PCF11: variants seen among roughly 807,000 people sequenced by gnomAD.
PCF11 encodes pre-mRNA cleavage complex 2 protein Pcf11.
Under a neutral mutation model 166.1 loss-of-function variants are expected in PCF11, and 19 were observed. That is an observed-to-expected ratio of 0.11 (90% CI 0.08 to 0.17). The LOEUF is 0.17. PCF11 is among the 10% of genes least tolerant of loss of function. The pLI is 1.00. For missense variants in PCF11, 1,565 were observed against 1,855.5 expected (o/e 0.84, Z 2.88); for synonymous variants, 663 against 644.1 (o/e 1.03, Z -0.44).
intron 1 of PCF11, among the ~76,000 whole-genome samples, chr11:83,159,273 C>G (rs1271191756): frequency 6.6e-6 from 1 of 151,986 alleles, no homozygotes; most frequent in African/African-American, 2.4e-5. Flanking sequence ...ATACCACAAA[C>G]ATCTTGGACA....
exon 8 of PCF11, chr11:83,168,631 A>G (rs1269777316): frequency 8.1e-6 from 13 of 1,613,864 alleles, no homozygotes; most frequent in Admixed American, 3.3e-5. Context: ...AGATGGCCCA[A>G]CGAAGATGAT....
chr11:83,185,688 A>G (rs1861264884), exon 16 of PCF11: 1 of 152,606 alleles, frequency 6.6e-6, no homozygotes. Context: ...ATCTGTAAGA[A>G]TGTTTGCTTG....
At chr11:83,168,826 C>T (rs1411251813) in exon 8 of PCF11, 1 of 1,613,672 alleles carries the variant, frequency 6.2e-7, no homozygotes, top group Non-Finnish European at 8.5e-7. Context: ...AGTGGGGACA[C>T]CTCTGCGGTT....
At position 83,168,557 on chromosome 11, in the gene PCF11, G is replaced by A. The variant is rs762785366; in HGVS notation, c.2222G>A (p.Arg741Gln). The change falls in exon 8 of 16, where the codon CGA (arginine) becomes CAA (glutamine). Residue 741 changes from arginine to glutamine, a missense_variant. Transcript: ENST00000298281. ...TTCGCCGGCCTGGATACAAATCAGC[G>A]ACTTACAGCTTTAGCTGAAGACAGA... 5 of 1,613,994 alleles carry A rather than the reference G, an allele frequency of 3.1e-6. No homozygotes were observed.
At chr11:83,180,850 T>G in intron 11 of PCF11, 158 bp from the exon 12 acceptor site, 1 of 448,728 alleles carries the variant, frequency 2.2e-6, no homozygotes, top group Non-Finnish European at 4.0e-6. Flanking sequence ...GTCAATCACA[T>G]TGTTAGAGAA....
At chr11:83,160,063 T>C (rs995000738) in intron 1 of PCF11, among the ~76,000 whole-genome samples, 3 of 152,182 alleles carry the variant, frequency 2.0e-5, no homozygotes, top group Non-Finnish European at 4.4e-5. Flanking sequence ...GGGTGAACCC[T>C]TTTATTAGAC....
intron 9 of PCF11, among the ~76,000 whole-genome samples, chr11:83,173,315 T>TCC (rs1386177097): frequency 6.6e-6 from 1 of 151,824 alleles, no homozygotes; most frequent in Admixed American, 6.6e-5. Flanking sequence ...ATTAGCTGGG[T>TCC]GTGGTGGTGC....
intron 11 of PCF11, among the ~76,000 whole-genome samples, chr11:83,179,816 C>G (rs1861023467): frequency 6.6e-6 from 1 of 151,636 alleles, no homozygotes; most frequent in African/African-American, 2.4e-5. Flanking sequence ...ACTCGGGAGG[C>G]TGAGGTGGGG....
chr11:83,157,460 C>T, exon 1 of PCF11: 3 of 1,611,344 alleles, frequency 1.9e-6, no homozygotes, highest in Non-Finnish European at 2.5e-6. Flanking sequence ...AGACGCCGGC[C>T]GAGGCCGGTG....
chr11:83,177,947 C>T (rs77711024), intron 11 of PCF11, 128 bp downstream of exon 11: 10 of 302,096 alleles, frequency 3.3e-5, no homozygotes, highest in South Asian at 2.1e-4. Flanking sequence ...TTTAGGAAGT[C>T]TTTTTTTTTT....
At chr11:83,168,323 C>T (rs1238787146) in intron 7 of PCF11, 105 bp from the exon 8 acceptor site, 5 of 1,086,300 alleles carry the variant, frequency 4.6e-6, no homozygotes. Flanking sequence ...GTCTCTCCTG[C>T]CCCTCTAATG....
Position 83,181,211 on chromosome 11 carries a change from C to CTATGGAGGCA in PCF11, c.4167+20_4167+21insTATGGAGGCA. The CTATGGAGGCA allele has an allele frequency of 7.2e-7, 1 of 1,392,950 alleles. No individual in the cohort carries two copies. Among genetic ancestry groups the CTATGGAGGCA allele is most frequent in the African/African-American group, 1.4e-5 (1 of 71,164 alleles). 86.3% of individuals were successfully genotyped at this position (1,392,950 alleles called of 1,614,324 possible). On this transcript the variant is annotated intron_variant, in intron 12 of 15. Transcript: ENST00000298281. ...TTAACAGTAAGTAACCCATGTGCCTCCATAGTATCTTTTAGGCTTAAATTA... is the reference window on the plus strand; with the variant it reads ...TTAACAGTAAGTAACCCATGTGCCTCTATGGAGGCACATAGTATCTTTTAGGCTTAAATTA...
At chr11:83,176,625 G>A (rs1435641576) in intron 9 of PCF11, among the ~76,000 whole-genome samples, 2 of 148,840 alleles carry the variant, frequency 1.3e-5, no homozygotes, top group African/African-American at 5.0e-5. Flanking sequence ...TTGTAGGTAG[G>A]AATTGAACAA....
chr11:83,170,856 T>A (rs17144712), intron 8 of PCF11, among the ~76,000 whole-genome samples: 3,280 of 152,302 alleles, frequency 0.022, 114 homozygotes, highest in African/African-American at 0.075. Context: ...AGGAACATTA[T>A]TGATAGAAAG....
chr11:83,161,762 C>A (rs1023244603), intron 2 of PCF11, among the ~76,000 whole-genome samples: 2 of 152,152 alleles, frequency 1.3e-5, no homozygotes, highest in Non-Finnish European at 2.9e-5. Flanking sequence ...GCAAAAAGAT[C>A]TGAAATCGTC....
In PCF11 at chr11:83,168,954, G is replaced by C. The variant is rs188422777; in HGVS notation, c.2619G>C (p.Val873=). 236 of 1,613,706 alleles carry C rather than the reference G, an allele frequency of 1.5e-4. 1 individual carries two copies. Among genetic ancestry groups the C allele is most frequent in the Admixed American group, 3.3e-4 (20 of 59,986 alleles). ...TTGAGGGACCAGGAGGCCAGCCTGT[G>C]GGTGGTCTGAGGTTTGAGGGACATC... The change falls in exon 8 of 16, where the codon GTG becomes GTC. Residue 873 remains valine (V), a synonymous_variant. Transcript: ENST00000298281.
At chr11:83,181,260 T>C in intron 12 of PCF11, 69 bp downstream of exon 12, 1 of 521,462 alleles carries the variant, frequency 1.9e-6, no homozygotes, top group Non-Finnish European at 2.9e-6. Context: ...GTATATTAAT[T>C]TTAATAATTA....
chr11:83,168,665 G>A, exon 8 of PCF11: 1 of 1,613,946 alleles, frequency 6.2e-7, no homozygotes, highest in Non-Finnish European at 8.5e-7. Flanking sequence ...AATAAATTAA[G>A]CCCTCGAATT....
At chr11:83,179,381 C>T (rs1374806810) in intron 11 of PCF11, among the ~76,000 whole-genome samples, 1 of 151,892 alleles carries the variant, frequency 6.6e-6, no homozygotes, top group African/African-American at 2.4e-5. Context: ...TCCTGAGTAG[C>T]TAAGATTATA....
Sources: gnomAD v4.1 joint callset for allele counts (sites outside exome capture counted in the v4.1 genomes callset) on GRCh38, gnomAD v4.1.1 for gene constraint, MANE v1.5 for transcripts, NCBI Gene and HGNC (gene_info 2026-07-23, HGNC 2026-07-21) for gene names.